RAB9B: variants seen among roughly 807,000 people sequenced by gnomAD.
RAB9B encodes ras-related protein Rab-9B.
In RAB9B, 1 loss-of-function variant was observed where a neutral mutation model predicts 8.9. The observed-to-expected ratio is 0.11, with a 90% CI of 0.04 to 0.53. The LOEUF (loss-of-function observed/expected upper bound fraction) is 0.53, where lower values mean the gene tolerates loss of function less well. Ranked by LOEUF, RAB9B falls within the 20% of genes least tolerant of loss-of-function variation. RAB9B has a pLI of 0.93. For synonymous variants in RAB9B, 63 were observed against 57.0 expected (o/e 1.10, Z -0.47); for missense variants, 82 against 152.9 (o/e 0.54, Z 2.45).
the RAB9B span, among the ~76,000 whole-genome samples, chrX:103,799,104 TATA>T: frequency 6.4e-5 from 7 of 109,521 alleles, no homozygotes; most frequent in Middle Eastern, 4.8e-3. Flanking sequence ...AGTACATGAA[TATA>T]ATGTCAATAT....
chrX:103,788,363 C>A, the RAB9B span: 2 of 734,937 alleles, frequency 2.7e-6, no homozygotes, highest in Non-Finnish European at 4.4e-6. Context: ...GGAAGAAGGG[C>A]TCTGGGGGAA....
At chrX:103,825,965 G>T in intron 2 of RAB9B, 139 bp from the exon 3 acceptor site, 1 of 433,858 alleles carries the variant, frequency 2.3e-6, no homozygotes, top group Non-Finnish European at 3.8e-6. Context: ...TAGTACAGCA[G>T]AAGAAATAAC....
At chrX:103,804,749 T>A in the RAB9B span, among the ~76,000 whole-genome samples, 1 of 112,027 alleles carries the variant, frequency 8.9e-6, no homozygotes, top group Non-Finnish European at 1.9e-5. Context: ...TTTTGTCAAT[T>A]TTTTTCTAAG....
At chrX:103,800,953 T>C in the RAB9B span, among the ~76,000 whole-genome samples, 3 of 112,117 alleles carry the variant, frequency 2.7e-5, no homozygotes, top group Non-Finnish European at 5.6e-5. Flanking sequence ...CAATTTTAAA[T>C]GCATATACCA....
the RAB9B span, among the ~76,000 whole-genome samples, chrX:103,793,106 G>A: frequency 8.9e-6 from 1 of 112,118 alleles, no homozygotes; most frequent in Non-Finnish European, 1.9e-5. Flanking sequence ...TGGATGGAAG[G>A]TTTAGTACTT....
At position 103,825,823 on chromosome X, in the gene RAB9B, G is replaced by T; in HGVS notation, c.-39C>A. The T allele has an allele frequency of 8.9e-7, 1 of 1,120,504 alleles. No homozygotes were observed. The highest frequency in any genetic ancestry group is 1.2e-6 in the Non-Finnish European group (1 of 844,846). The allele number at this position is 1,120,504 out of a possible 1,213,427, so 92.3% of individuals were successfully genotyped here. A position where few individuals can be genotyped will look rare whatever the true frequency, so the allele number is the denominator to read the frequency against. ...GAAGGGAAGGAGTTTGTAACCAAGAGAACCTGAAAATAAAAGGAAAAGTAG... is the reference window on the plus strand; with the variant it reads ...GAAGGGAAGGAGTTTGTAACCAAGATAACCTGAAAATAAAAGGAAAAGTAG... On this transcript the variant is annotated 5_prime_UTR_variant, in exon 3 of 3. Coordinates refer to ENST00000243298, the MANE Select transcript of RAB9B (RefSeq NM_016370.4).
At chrX:103,785,953 TCTGC>T in the RAB9B span, 4 of 709,555 alleles carry the variant, frequency 5.6e-6, no homozygotes, top group South Asian at 2.8e-5. Flanking sequence ...AAAGGAGGGG[TCTGC>T]CTGCCTGCCT....
the RAB9B span, among the ~76,000 whole-genome samples, chrX:103,795,525 T>C: frequency 9.0e-6 from 1 of 111,663 alleles, no homozygotes; most frequent in Non-Finnish European, 1.9e-5. Context: ...TGAAAGTGTA[T>C]AGATGGTTTT....
chrX:103,819,893 T>C (rs1352143475), downstream of RAB9B, among the ~76,000 whole-genome samples: 6 of 112,547 alleles, frequency 5.3e-5, no homozygotes, highest in African/African-American at 1.9e-4. Flanking sequence ...TGAATCTTTT[T>C]GTCCCCCTCC....
chrX:103,787,748 C>T, the RAB9B span: 2 of 1,076,955 alleles, frequency 1.9e-6, no homozygotes, highest in Non-Finnish European at 2.6e-6. Flanking sequence ...TGTGTTTCTA[C>T]ATCTGCAGGC....
chrX:103,803,479 A>G, the RAB9B span, among the ~76,000 whole-genome samples: 1 of 112,665 alleles, frequency 8.9e-6, no homozygotes, highest in Non-Finnish European at 1.9e-5. Flanking sequence ...TCATGTACTT[A>G]TGGTCCATTT....
chrX:103,817,651 G>A (rs765729000), downstream of RAB9B, among the ~76,000 whole-genome samples: 3 of 109,517 alleles, frequency 2.7e-5, no homozygotes, highest in Admixed American at 9.9e-5. Context: ...AGTCTATGGC[G>A]GAACACTAAC....
the RAB9B span, among the ~76,000 whole-genome samples, chrX:103,779,502 A>G: frequency 8.9e-6 from 1 of 112,245 alleles, no homozygotes; most frequent in Non-Finnish European, 1.9e-5. Context: ...CCCAGCCAGC[A>G]TGTTCACCTA....
the RAB9B span, among the ~76,000 whole-genome samples, chrX:103,797,581 T>C: frequency 8.9e-6 from 1 of 111,979 alleles, no homozygotes; most frequent in African/African-American, 3.2e-5. Context: ...TGAGCCTGAT[T>C]GGTTGAGGCA....
the RAB9B span, among the ~76,000 whole-genome samples, chrX:103,804,637 G>A: frequency 9.0e-6 from 1 of 111,612 alleles, no homozygotes; most frequent in Non-Finnish European, 1.9e-5. Flanking sequence ...ACAATATTGA[G>A]CCTTTCAATT....
the RAB9B span, among the ~76,000 whole-genome samples, chrX:103,778,952 A>G: frequency 2.7e-5 from 3 of 112,035 alleles, no homozygotes; most frequent in African/African-American, 9.7e-5. Flanking sequence ...ACAACAACCA[A>G]TTAAATGTTC....
At chrX:103,820,833 C>G (rs1431764231), downstream of RAB9B, among the ~76,000 whole-genome samples, 2 of 109,946 alleles carry the variant, frequency 1.8e-5, no homozygotes, top group African/African-American at 6.6e-5. Context: ...GCCTGTAATC[C>G]CAGCTATTAG....
At chrX:103,794,410 C>T in the RAB9B span, among the ~76,000 whole-genome samples, 5 of 111,965 alleles carry the variant, frequency 4.5e-5, no homozygotes, top group Admixed American at 3.8e-4. Context: ...AATGCATGTG[C>T]GTGCTTCCAC....
the RAB9B span, chrX:103,788,626 G>A: frequency 9.6e-5 from 61 of 636,907 alleles, no homozygotes; most frequent in African/African-American, 1.5e-4. Flanking sequence ...TGAATTAGCC[G>A]ATTGCCTTCT....
Sources: gnomAD v4.1 joint callset for allele counts (sites outside exome capture counted in the v4.1 genomes callset) on GRCh38, gnomAD v4.1.1 for gene constraint, MANE v1.5 for transcripts, NCBI Gene and HGNC (gene_info 2026-07-23, HGNC 2026-07-21) for gene names.